The following PPP1R2 variants were observed in gnomAD, a reference collection of about 807,000 sequenced individuals.
PPP1R2 encodes the protein protein phosphatase 1 regulatory inhibitor subunit 2, also known as protein phosphatase inhibitor 2.
In PPP1R2, 16 loss-of-function variants were observed where a neutral mutation model predicts 29.9. The ratio of observed to expected loss-of-function variants is 0.53; its 90% confidence interval spans 0.36 to 0.81. The LOEUF (loss-of-function observed/expected upper bound fraction) is 0.81, where lower values mean the gene tolerates loss of function less well. Ranked by LOEUF, PPP1R2 falls within the 30% of genes least tolerant of loss-of-function variation. PPP1R2 has a pLI of 0.00. For synonymous variants in PPP1R2, 76 were observed against 91.5 expected, an observed-to-expected ratio of 0.83 and a Z score of 0.96; for missense variants, 197 against 252.7, an observed-to-expected ratio of 0.78 and a Z score of 1.49.
intron 1 of PPP1R2, among the ~76,000 whole-genome samples, 187 bp downstream of exon 1, chr3:195,542,717 G>A (rs1466391849): frequency 6.7e-6 from 1 of 150,364 alleles, no homozygotes; most frequent in Non-Finnish European, 1.5e-5. Flanking sequence ...AAAAAAAAAA[G>A]GAAGCATGAT....
intron 2 of PPP1R2, among the ~76,000 whole-genome samples, chr3:195,526,899 A>G (rs906109903): frequency 2.0e-5 from 3 of 152,140 alleles, no homozygotes; most frequent in Non-Finnish European, 4.4e-5. Context: ...CTCCTGCCTC[A>G]GCCTCCCGAG....
intron 1 of PPP1R2, among the ~76,000 whole-genome samples, chr3:195,539,875 G>A (rs988187556): frequency 6.6e-6 from 1 of 152,114 alleles, no homozygotes; most frequent in African/African-American, 2.4e-5. Flanking sequence ...TGGACATTGA[G>A]TTTTGAGAAT....
intron 2 of PPP1R2, among the ~76,000 whole-genome samples, chr3:195,525,933 T>C (rs1404440219): frequency 6.6e-6 from 1 of 152,100 alleles, no homozygotes; most frequent in Non-Finnish European, 1.5e-5. Context: ...AAAATAAACA[T>C]TTTGTTAATT....
intron 1 of PPP1R2, among the ~76,000 whole-genome samples, chr3:195,532,471 C>T (rs909930897): frequency 1.3e-5 from 2 of 152,118 alleles, no homozygotes; most frequent in African/African-American, 2.4e-5. Flanking sequence ...GTAAACAGAG[C>T]TTGCTTTAAC....
intron 1 of PPP1R2, among the ~76,000 whole-genome samples, chr3:195,534,185 C>T (rs1577579945): frequency 1.3e-5 from 2 of 151,920 alleles, no homozygotes; most frequent in Admixed American, 6.6e-5. Context: ...GGCATGATGG[C>T]ACACACACAC....
At chr3:195,539,630 T>C (rs574048352) in intron 1 of PPP1R2, among the ~76,000 whole-genome samples, 1 of 152,148 alleles carries the variant, frequency 6.6e-6, no homozygotes, top group South Asian at 2.1e-4. Context: ...TGCAGTGCGC[T>C]GTGATCGTGC....
Position 195,519,211 on chromosome 3 carries a change from G to A in PPP1R2, c.404-26C>T, listed in dbSNP as rs200684655. Reference sequence around the variant, plus strand: ...CTATAAGATGCAAAATGTAAACTTAGGAAGTTTGAGCTCAAGGATTGGCCC... The same window carrying A: ...CTATAAGATGCAAAATGTAAACTTAAGAAGTTTGAGCTCAAGGATTGGCCC... On this transcript the variant is annotated intron_variant, in intron 4 of 5. Coordinates refer to ENST00000618156, the MANE Select transcript of PPP1R2 (RefSeq NM_006241.8). 303 of 1,535,080 alleles carry A rather than the reference G, an allele frequency of 2.0e-4. 5 individuals are homozygous for A. In the East Asian group the frequency reaches 6.7e-3, roughly 34 times the overall value.
At chr3:195,526,900 G>C (rs1005807207) in intron 2 of PPP1R2, among the ~76,000 whole-genome samples, 2 of 152,136 alleles carry the variant, frequency 1.3e-5, no homozygotes, top group Admixed American at 6.6e-5. Flanking sequence ...TCCTGCCTCA[G>C]CCTCCCGAGT....
At chr3:195,534,806 G>A (rs1414284948) in intron 1 of PPP1R2, among the ~76,000 whole-genome samples, 1 of 152,222 alleles carries the variant, frequency 6.6e-6, no homozygotes, top group African/African-American at 2.4e-5. Context: ...TGATGTGACT[G>A]TGTCAGCCAC....
intron 1 of PPP1R2, among the ~76,000 whole-genome samples, chr3:195,533,584 C>T (rs1274969967): frequency 6.6e-6 from 1 of 152,136 alleles, no homozygotes; most frequent in Admixed American, 6.5e-5. Context: ...AAAAGTAGAA[C>T]GCTTGATGAG....
intron 4 of PPP1R2, chr3:195,519,450 A>G: frequency 3.0e-6 from 1 of 334,360 alleles, no homozygotes; most frequent in Non-Finnish European, 5.3e-6. Flanking sequence ...GTGAAGAAAG[A>G]TTAAAGCTAT....
intron 1 of PPP1R2, among the ~76,000 whole-genome samples, chr3:195,536,403 A>G (rs1719386298): frequency 6.6e-6 from 1 of 152,050 alleles, no homozygotes; most frequent in Non-Finnish European, 1.5e-5. Flanking sequence ...TATACTTAAT[A>G]TGCTTTTCTG....
rs1577590323 is a variant in PPP1R2 at position 195,543,241 on chromosome 3, A to C, written c.-216T>G. The C allele has an allele frequency of 1.9e-6, 1 of 527,650 alleles. No homozygotes were observed. The highest frequency in any genetic ancestry group is 3.0e-5 in the South Asian group (1 of 33,256). 32.7% of individuals were successfully genotyped at this position (527,650 alleles called of 1,614,324 possible). A position where few individuals can be genotyped will look rare whatever the true frequency, so the allele number is the denominator to read the frequency against. ...CCGAACGGGTGGCGGCTACTCGCGC[A>C]CCCTTAGCCACTGGCACTTGACCCG... On this transcript the variant is annotated 5_prime_UTR_variant, in exon 1 of 6. Transcript: ENST00000618156.
rs141464761 is a variant in PPP1R2 at position 195,521,054 on chromosome 3, G to A, written c.404-1869C>T. The stretch of plus-strand genomic sequence containing the variant: ...ACTGAAGTCCGGGCGCAGTGCTCAC[G>A]CCTGTAATCCCAGCACTTTGGGAGG... On this transcript the variant is annotated intron_variant, in intron 4 of 5. Transcript: ENST00000618156. Among the ~76,000 whole-genome samples the A allele has an allele frequency of 3.6e-3, 554 of 152,008 alleles. 4 individuals carry two copies. Among genetic ancestry groups the A allele is most frequent in the African/African-American group, 0.013 (535 of 41,488 alleles).
At chr3:195,525,726 C>A (rs1302088925) in intron 2 of PPP1R2, among the ~76,000 whole-genome samples, 1 of 152,028 alleles carries the variant, frequency 6.6e-6, no homozygotes, top group Non-Finnish European at 1.5e-5. Context: ...CACTTCAATG[C>A]AAAAATGGGC....
At chr3:195,528,289 G>C (rs542534963) in intron 2 of PPP1R2, among the ~76,000 whole-genome samples, 28 of 152,162 alleles carry the variant, frequency 1.8e-4, no homozygotes, top group African/African-American at 6.5e-4. Context: ...CTCCATCCAG[G>C]TTGCTGTGAA....
rs1718513211 is a variant in PPP1R2, at chr3:195,515,528, T to C, written c.*1368A>G. On this transcript the variant is annotated 3_prime_UTR_variant, in exon 6 of 6. Transcript: ENST00000618156. ...AATTGTATGGCTAGAAATGAAACCA[T>C]AACTAAACCAAGACACACAGGGCTT... The C allele has an allele frequency of 6.6e-6, 1 of 152,582 alleles. No individual in the cohort carries two copies. 9.5% of individuals were successfully genotyped at this position (152,582 alleles called of 1,614,324 possible). A position where few individuals can be genotyped will look rare whatever the true frequency, so the allele number is the denominator to read the frequency against.
At chr3:195,525,629 AC>A (rs1718943252) in intron 2 of PPP1R2, among the ~76,000 whole-genome samples, 1 of 152,212 alleles carries the variant, frequency 6.6e-6, no homozygotes, top group Admixed American at 6.5e-5. Flanking sequence ...GAGTAAAGTA[AC>A]AAAATTCGAT....
intron 1 of PPP1R2, 113 bp downstream of exon 1, chr3:195,542,791 G>T: frequency 7.6e-7 from 1 of 1,308,326 alleles, no homozygotes; most frequent in South Asian, 1.6e-5. Context: ...CAGGAGAAGA[G>T]ACTCGAGCGG....
Sources: allele counts gnomAD v4.1 joint callset (sites outside exome capture counted in the v4.1 genomes callset), GRCh38; gene constraint gnomAD v4.1.1; transcripts MANE v1.5; gene names NCBI Gene and HGNC (gene_info 2026-07-23, HGNC 2026-07-21).